Variants in ANKRD60 observed in about 807,000 individuals in gnomAD.
The protein encoded by ANKRD60 is ankyrin repeat domain 60, also known as ankyrin repeat domain-containing protein 60.
Under a neutral mutation model 21.3 loss-of-function variants are expected in ANKRD60, and 24 were observed. That is an observed-to-expected ratio of 1.13 (90% CI 0.82 to 1.59). The LOEUF is 1.59. ANKRD60 is among the 40% of genes most tolerant of loss of function. The pLI is 0.00. For synonymous variants in ANKRD60, 182 were observed against 199.4 expected (o/e 0.91, Z 0.74); for missense variants, 490 against 466.7 (o/e 1.05, Z -0.46).
At chr20:58,222,614 G>C (rs921643704) in intron 2 of ANKRD60, among the ~76,000 whole-genome samples, 3 of 152,126 alleles carry the variant, frequency 2.0e-5, no homozygotes, top group Admixed American at 1.3e-4. Flanking sequence ...AGGACAGAGC[G>C]CCCGCCGCTC....
rs188055253 is a variant in ANKRD60 at position 58,228,255 on chromosome 20, G to A, written c.399C>T (p.Phe133=). The A allele has an allele frequency of 1.6e-3, 2,548 of 1,551,034 alleles. 47 individuals carry two copies. The East Asian group carries it at 0.033, about 20-fold the overall frequency. The stretch of plus-strand genomic sequence containing the variant: ...CGAGGTACTGGAGCCGCTGGAGGTT[G>A]AAGGGGATGCCGACCATCAGGTCCA... The change falls in exon 1 of 4, where the codon TTC becomes TTT. Residue 133 remains phenylalanine (F), a synonymous_variant. Transcript: ENST00000457363. This position sits in a 1 kb window ranked among gnomAD's most constrained non-coding sequence, Gnocchi z 5.3.
intron 1 of ANKRD60, among the ~76,000 whole-genome samples, chr20:58,224,838 C>T (rs941170525): frequency 6.6e-6 from 1 of 152,190 alleles, no homozygotes; most frequent in Admixed American, 6.5e-5. Flanking sequence ...GCAGCCACTG[C>T]CTTGGACTTA....
At position 58,228,425 on chromosome 20, in the gene ANKRD60, C is replaced by A. The variant is rs937870458; in HGVS notation, c.229G>T (p.Val77Phe). 209 of 1,540,066 alleles carry A rather than the reference C, an allele frequency of 1.4e-4. 3 individuals are homozygous for A. The East Asian group carries it at 5.1e-3, about 38-fold the overall frequency. Residue 77 changes from valine to phenylalanine, a missense_variant, in exon 1 of 4, where the codon GTC (valine) becomes TTC (phenylalanine). By Grantham distance (50) the Val-to-Phe change is conservative. Transcript: ENST00000457363. This position sits in a 1 kb window ranked among gnomAD's most constrained non-coding sequence, Gnocchi z 5.3. Reference sequence around the variant, plus strand: ...GCACTCGCGGCCTTCGGGTCACAGACGAGCCGCTGGCTCCGGCCGCGGGCA... The same window carrying A: ...GCACTCGCGGCCTTCGGGTCACAGAAGAGCCGCTGGCTCCGGCCGCGGGCA...
At chr20:58,216,330 A>G (rs1984134962), downstream of ANKRD60, among the ~76,000 whole-genome samples, 1 of 152,224 alleles carries the variant, frequency 6.6e-6, no homozygotes, top group South Asian at 2.1e-4. Flanking sequence ...AATTGGGGGT[A>G]GATGAAGATA....
At chr20:58,224,493 C>A (rs1483987843) in intron 1 of ANKRD60, among the ~76,000 whole-genome samples, 1 of 152,218 alleles carries the variant, frequency 6.6e-6, no homozygotes, top group Non-Finnish European at 1.5e-5. Context: ...GCTCACATAG[C>A]CTGTGAACAG....
chr20:58,217,447 A>T (rs964108112), downstream of ANKRD60, among the ~76,000 whole-genome samples: 3 of 151,742 alleles, frequency 2.0e-5, no homozygotes, highest in Non-Finnish European at 1.5e-5. Flanking sequence ...AAAAAAAAAA[A>T]TCAAGGGAGA....
At chr20:58,221,418 G>A (rs534271895) in exon 3 of ANKRD60, 87 of 1,552,318 alleles carry the variant, frequency 5.6e-5, no homozygotes, top group Admixed American at 3.9e-4. Flanking sequence ...CCTCTGAGAC[G>A]TCCAGTGCTT....
At position 58,228,168 on chromosome 20, in the gene ANKRD60, G is replaced by T; in HGVS notation, c.430+56C>A. 6.8e-7 allele frequency: 1 copy of T among 1,467,998 alleles called. No individual in the cohort carries two copies. The highest frequency in any genetic ancestry group is 9.2e-7 in the Non-Finnish European group (1 of 1,091,564). 90.9% of individuals were successfully genotyped at this position (1,467,998 alleles called of 1,614,324 possible). A position where few individuals can be genotyped will look rare whatever the true frequency, so the allele number is the denominator to read the frequency against. ...GGCTTCCCTTTGGGAATCCACTTCA[G>T]AAGTGGACAGGGTGCCCTTGCATGT... On this transcript the variant is annotated intron_variant, in intron 1 of 3. Transcript: ENST00000457363. This position sits in a 1 kb window ranked among gnomAD's most constrained non-coding sequence, Gnocchi z 5.3.
chr20:58,223,315 T>C, intron 1 of ANKRD60, 133 bp from the exon 2 acceptor site: 4 of 823,266 alleles, frequency 4.9e-6, no homozygotes, highest in Non-Finnish European at 7.1e-6. Flanking sequence ...CAAATCTCAT[T>C]TGATGGTGTC....
Position 58,228,346 on chromosome 20 carries a change from G to T in ANKRD60, c.308C>A (p.Thr103Lys), listed in dbSNP as rs1298465170. 2.6e-6 allele frequency: 4 copies of T among 1,550,722 alleles called. No homozygotes were observed. Among genetic ancestry groups the T allele is most frequent in the Non-Finnish European group, 3.5e-6 (4 of 1,146,926 alleles). Residue 103 changes from threonine to lysine, a missense_variant, in exon 1 of 4, where the codon ACG (threonine) becomes AAG (lysine). Thr to Lys is a moderately conservative substitution (Grantham distance 78). Transcript: ENST00000457363. The surrounding 1 kb of genome is among the most constrained non-coding windows in gnomAD (Gnocchi z 5.3). ...GTTTGCCACTCGGAACATCTCCCCC[G>T]TCTCCTCCAGCCGCACCCGCAGGAC... is the stretch of plus-strand genomic sequence containing the variant.
rs1031569433 is a variant in ANKRD60 at position 58,221,582 on chromosome 20, G to A, written c.562-79C>T. On this transcript the variant is annotated intron_variant, in intron 2 of 3. Coordinates refer to ENST00000457363, the Ensembl canonical transcript of ANKRD60. ...CTGGACGGCTGATGGGGCATGCTCA[G>A]GGGAAGGCTTGCTTGAATGTCAAAT... The A allele has an allele frequency of 2.8e-6, 4 of 1,447,044 alleles. No homozygotes were observed. In the African/African-American group the frequency reaches 5.7e-5, roughly 21 times the overall value. 89.6% of individuals were successfully genotyped at this position (1,447,044 alleles called of 1,614,324 possible).
At chr20:58,227,761 G>C (rs1452868265) in intron 1 of ANKRD60, among the ~76,000 whole-genome samples, 1 of 152,146 alleles carries the variant, frequency 6.6e-6, no homozygotes. Context: ...GTACTGACAT[G>C]GGCAGGCTTG....
intron 3 of ANKRD60, among the ~76,000 whole-genome samples, chr20:58,220,153 G>A (rs1338687604): frequency 1.3e-5 from 2 of 152,196 alleles, no homozygotes; most frequent in African/African-American, 4.8e-5. Flanking sequence ...TAATTTGGAG[G>A]CAAGTTGATA....
At chr20:58,221,923 C>G (rs950818468) in intron 2 of ANKRD60, among the ~76,000 whole-genome samples, 1 of 152,138 alleles carries the variant, frequency 6.6e-6, no homozygotes, top group Non-Finnish European at 1.5e-5. Context: ...TGCCCACTGT[C>G]TCCATTAGGT....
At chr20:58,219,121 AC>A (rs1205666539) in intron 3 of ANKRD60, among the ~76,000 whole-genome samples, 1 of 150,748 alleles carries the variant, frequency 6.6e-6, no homozygotes, top group Non-Finnish European at 1.5e-5. Context: ...CCCCCACCCC[AC>A]CACCAAGGCA....
In ANKRD60 at chr20:58,221,571, G is replaced by A. The variant is rs1984254401; in HGVS notation, c.562-68C>T. 49 of 1,498,262 alleles carry A rather than the reference G, an allele frequency of 3.3e-5. No individual in the cohort carries two copies. In the East Asian group the frequency reaches 8.7e-4, roughly 27 times the overall value. The allele number at this position is 1,498,262 out of a possible 1,614,324, so 92.8% of individuals were successfully genotyped here. A position where few individuals can be genotyped will look rare whatever the true frequency, so the allele number is the denominator to read the frequency against. ...GCTACATTTTGCTGGACGGCTGATG[G>A]GGCATGCTCAGGGGAAGGCTTGCTT... On this transcript the variant is annotated intron_variant, in intron 2 of 3. Transcript: ENST00000457363.
downstream of ANKRD60, among the ~76,000 whole-genome samples, chr20:58,217,194 G>T (rs1400451844): frequency 1.3e-5 from 2 of 152,118 alleles, no homozygotes; most frequent in Non-Finnish European, 2.9e-5. Flanking sequence ...ACTTTGGGAG[G>T]CCGAGGGGGG....
exon 3 of ANKRD60, chr20:58,221,415 G>C: frequency 6.4e-7 from 1 of 1,552,358 alleles, no homozygotes; most frequent in South Asian, 1.2e-5. Flanking sequence ...CGCCCTCTGA[G>C]ACGTCCAGTG....
At chr20:58,227,473 AT>A (rs1984388565) in intron 1 of ANKRD60, among the ~76,000 whole-genome samples, 1 of 150,876 alleles carries the variant, frequency 6.6e-6, no homozygotes, top group Non-Finnish European at 1.5e-5. Flanking sequence ...TGTGCTCTGG[AT>A]TTTGGGGTCC....
Sources: gnomAD v4.1 joint callset for allele counts (sites outside exome capture counted in the v4.1 genomes callset) on GRCh38, gnomAD v4.1.1 for gene constraint, Gnocchi (gnomAD v3.1) non-coding constraint, MANE v1.5 for transcripts, NCBI Gene and HGNC (gene_info 2026-07-23, HGNC 2026-07-21) for gene names.